The following RNF150 variants were observed in gnomAD, a reference collection of about 807,000 sequenced individuals.
RNF150 encodes ring finger protein 150.
A neutral mutation model predicts 39.3 loss-of-function variants in RNF150; 24 were observed. The observed-to-expected ratio is 0.61, with a 90% CI of 0.44 to 0.86. The LOEUF (loss-of-function observed/expected upper bound fraction) is 0.86. Among genes scored for constraint, RNF150 ranks in the 40% least tolerant of loss-of-function variants. RNF150 has a pLI of 0.00. For synonymous variants in RNF150, 255 were observed against 227.3 expected (o/e 1.12, Z -1.10); for missense variants, 502 against 587.8 (o/e 0.85, Z 1.51).
chr4:141,063,309 T>C (rs75397570), intron 1 of RNF150, among the ~76,000 whole-genome samples: 4 of 152,240 alleles, frequency 2.6e-5, no homozygotes, highest in African/African-American at 4.8e-5. Context: ...AATTTCAAAG[T>C]TGAAGGAATT....
At chr4:140,964,470 T>A (rs960795374) in intron 2 of RNF150, among the ~76,000 whole-genome samples, 1 of 152,082 alleles carries the variant, frequency 6.6e-6, no homozygotes, top group Non-Finnish European at 1.5e-5. Context: ...AGGCTGTTAA[T>A]AATATACAAA....
chr4:141,075,777 G>A (rs897538522), intron 1 of RNF150, among the ~76,000 whole-genome samples: 2 of 152,020 alleles, frequency 1.3e-5, no homozygotes, highest in Non-Finnish European at 2.9e-5. Context: ...AGTGAGGTTT[G>A]CTGGGAAAAT....
intron 3 of RNF150, among the ~76,000 whole-genome samples, chr4:140,948,293 C>G (rs1732402156): frequency 6.6e-6 from 1 of 152,028 alleles, no homozygotes; most frequent in Admixed American, 6.6e-5. Flanking sequence ...CTTATAAGCC[C>G]AATGGCGTTT....
chr4:140,996,017 T>C (rs1010402806), intron 1 of RNF150, among the ~76,000 whole-genome samples: 17 of 152,130 alleles, frequency 1.1e-4, no homozygotes, highest in African/African-American at 4.1e-4. Flanking sequence ...CTGGATCATA[T>C]GGGAGTTCTA....
intron 4 of RNF150, among the ~76,000 whole-genome samples, chr4:140,930,114 T>C (rs1329959700): frequency 6.6e-6 from 1 of 151,278 alleles, no homozygotes; most frequent in African/African-American, 2.4e-5. Context: ...TGAGCCGAGA[T>C]CACACCACTG....
rs369787747 is a variant in RNF150, at chr4:140,866,446, TAG to T, written c.*1813_*1814del. The T allele has an allele frequency of 6.6e-6, 1 of 152,150 alleles. No individual in the cohort carries two copies. Among genetic ancestry groups the T allele is most frequent in the East Asian group, 1.9e-4 (1 of 5,194 alleles). 9.4% of individuals were successfully genotyped at this position (152,150 alleles called of 1,614,324 possible). A position where few individuals can be genotyped will look rare whatever the true frequency, so the allele number is the denominator to read the frequency against. On this transcript the variant is annotated 3_prime_UTR_variant, in exon 7 of 7. Coordinates refer to ENST00000515673, the MANE Select transcript of RNF150 (RefSeq NM_020724.2). ...TCCTCCCTGCCTCTTTTCCCACACA[TAG>T]AGAGTGGATTTCATTACAGGAAGCA...
intron 1 of RNF150, among the ~76,000 whole-genome samples, chr4:141,126,340 C>G (rs1305850744): frequency 4.6e-5 from 7 of 152,202 alleles, no homozygotes; most frequent in Non-Finnish European, 1.0e-4. Context: ...ATCCTGGGAT[C>G]AGCAATTCCA....
chr4:140,993,069 T>A (rs1034533974), intron 1 of RNF150, among the ~76,000 whole-genome samples: 1 of 152,080 alleles, frequency 6.6e-6, no homozygotes, highest in Non-Finnish European at 1.5e-5. Flanking sequence ...GGTGGATGCA[T>A]TGGTTTCCTA....
chr4:141,075,604 T>G (rs906894060), intron 1 of RNF150, among the ~76,000 whole-genome samples: 10 of 152,246 alleles, frequency 6.6e-5, no homozygotes, highest in African/African-American at 2.4e-4. Flanking sequence ...AACACAATTT[T>G]TATATTCACT....
chr4:141,158,498 CA>C (rs1727455323), intron 1 of RNF150, among the ~76,000 whole-genome samples: 1 of 150,908 alleles, frequency 6.6e-6, no homozygotes. Context: ...TTTAAAAATC[CA>C]AGAGAAATGG....
chr4:140,886,858 C>T (rs1729595206), intron 6 of RNF150, among the ~76,000 whole-genome samples: 1 of 152,168 alleles, frequency 6.6e-6, no homozygotes, highest in Non-Finnish European at 1.5e-5. Flanking sequence ...TAAGTCCTAT[C>T]TAAAAAATAT....
chr4:141,059,670 A>T (rs1737135220), intron 1 of RNF150, among the ~76,000 whole-genome samples: 1 of 152,162 alleles, frequency 6.6e-6, no homozygotes, highest in Admixed American at 6.6e-5. Flanking sequence ...AAAAAGTAAC[A>T]GGGAAAGTTG....
At chr4:141,098,563 T>C (rs966542085) in intron 1 of RNF150, among the ~76,000 whole-genome samples, 1 of 152,242 alleles carries the variant, frequency 6.6e-6, no homozygotes, top group Non-Finnish European at 1.5e-5. Context: ...ATCTCCAATT[T>C]TCCTTATCTT....
At chr4:140,920,555 G>T (rs1204812180) in intron 5 of RNF150, among the ~76,000 whole-genome samples, 1 of 108,874 alleles carries the variant, frequency 9.2e-6, no homozygotes, top group Admixed American at 1.0e-4. Flanking sequence ...TGGAGAGGAT[G>T]TGGAGAAATA....
intron 4 of RNF150, among the ~76,000 whole-genome samples, chr4:140,933,181 T>A (rs1298381089): frequency 6.6e-6 from 1 of 152,182 alleles, no homozygotes; most frequent in Non-Finnish European, 1.5e-5. Flanking sequence ...ATAAAACTGC[T>A]ACTGAATTCA....
chr4:141,144,092 A>G (rs114090964), intron 1 of RNF150, among the ~76,000 whole-genome samples: 1 of 151,584 alleles, frequency 6.6e-6, no homozygotes, highest in Non-Finnish European at 1.5e-5. Flanking sequence ...TCTGGCTCAT[A>G]ATAAACCAAG....
chr4:141,050,115 A>G (rs1174894793), intron 1 of RNF150, among the ~76,000 whole-genome samples: 9 of 152,128 alleles, frequency 5.9e-5, no homozygotes, highest in Non-Finnish European at 1.2e-4. Flanking sequence ...ACATGTAAGT[A>G]TATATAAGTA....
At chr4:140,943,056 T>A (rs1482310146) in intron 4 of RNF150, among the ~76,000 whole-genome samples, 1 of 152,130 alleles carries the variant, frequency 6.6e-6, no homozygotes, top group African/African-American at 2.4e-5. Context: ...CCAGGACACC[T>A]CCCTGTTTTA....
intron 1 of RNF150, among the ~76,000 whole-genome samples, chr4:141,110,461 T>C (rs1256261615): frequency 1.3e-5 from 2 of 152,084 alleles, no homozygotes; most frequent in African/African-American, 4.8e-5. Context: ...GGTCTCACTG[T>C]GTCACCCAGA....
Sources: gnomAD v4.1 joint callset for allele counts (sites outside exome capture counted in the v4.1 genomes callset) on GRCh38, gnomAD v4.1.1 for gene constraint, MANE v1.5 for transcripts, NCBI Gene and HGNC (gene_info 2026-07-23, HGNC 2026-07-21) for gene names.